The following PRRC2C variants were observed in gnomAD, a reference collection of about 807,000 sequenced individuals.
PRRC2C encodes the protein proline rich coiled-coil 2C, also known as protein PRRC2C.
Under a neutral mutation model 317.2 loss-of-function variants are expected in PRRC2C, and 72 were observed. The observed-to-expected ratio is 0.23, with a 90% CI of 0.19 to 0.28. The LOEUF (loss-of-function observed/expected upper bound fraction) is 0.28. PRRC2C is among the 10% of genes least tolerant of loss of function. The probability of loss-of-function intolerance (pLI) is 1.00; values close to 1 mark genes in which losing one functional copy is unlikely to be tolerated. For missense variants in PRRC2C, 3,074 were observed against 3,459.7 expected (o/e 0.89, Z 2.80); for synonymous variants, 1,296 against 1,205.9 (o/e 1.07, Z -1.55).
At position 171,568,328 on chromosome 1, in the gene PRRC2C, T is replaced by C. The variant is rs1473658856; in HGVS notation, c.6640T>C (p.Leu2214=). 1.2e-6 allele frequency: 2 copies of C among 1,601,398 alleles called. No homozygotes were observed. Among genetic ancestry groups the C allele is most frequent in the Non-Finnish European group, 1.7e-6 (2 of 1,172,998 alleles). The stretch of plus-strand genomic sequence containing the variant: ...TAATAATACAAAGATGGAGGATACT[T>C]TGGTTAATAATGTAAGTAATCAGTT... ...ATNNTKMEDT[L]VNNVPLPNTL... is the part of the protein sequence containing the mutation. Residue 2214 remains leucine, a synonymous_variant, in exon 23 of 35, where the codon TTG becomes CTG. Transcript: ENST00000647382.
intron 25 of PRRC2C, among the ~76,000 whole-genome samples, chr1:171,575,371 A>G (rs72717842): frequency 1.3e-4 from 20 of 152,272 alleles, no homozygotes; most frequent in Non-Finnish European, 2.4e-4. Context: ...TTTTTTATGT[A>G]TGTACAACTA....
chr1:171,577,181 T>G (rs1435579271), intron 25 of PRRC2C, among the ~76,000 whole-genome samples: 2 of 152,240 alleles, frequency 1.3e-5, no homozygotes, highest in Non-Finnish European at 2.9e-5. Context: ...CCTCATTTTA[T>G]TAATTTTGTG....
chr1:171,569,442 T>C (rs958135122), intron 23 of PRRC2C, among the ~76,000 whole-genome samples: 3 of 151,328 alleles, frequency 2.0e-5, no homozygotes, highest in African/African-American at 4.9e-5. Flanking sequence ...GTACTAAATA[T>C]GTAGCTGAGA....
intron 1 of PRRC2C, among the ~76,000 whole-genome samples, chr1:171,498,300 A>T (rs1289258271): frequency 6.6e-6 from 1 of 152,154 alleles, no homozygotes; most frequent in Non-Finnish European, 1.5e-5. Flanking sequence ...TTCTGTTGGT[A>T]CTGAAGGCTG....
Position 171,592,803 on chromosome 1 carries a change from A to G in PRRC2C, c.*956A>G, listed in dbSNP as rs1048641205. The stretch of plus-strand genomic sequence containing the variant: ...ATTAAAGGAAATCCTAAGAAGGTGC[A>G]TTTCTTTACAGAGCTGTGTCATGCC... On this transcript the variant is annotated 3_prime_UTR_variant, in exon 35 of 35. Transcript: ENST00000647382. 1 of 152,028 alleles carries G rather than the reference A, an allele frequency of 6.6e-6. No homozygotes were observed. The highest frequency in any genetic ancestry group is 3.2e-3 in the Middle Eastern group (1 of 316). The allele number at this position is 152,028 out of a possible 1,614,324, so 9.4% of individuals were successfully genotyped here. A position where few individuals can be genotyped will look rare whatever the true frequency, so the allele number is the denominator to read the frequency against.
At chr1:171,565,665 C>G (rs1683513669) in intron 20 of PRRC2C, among the ~76,000 whole-genome samples, 1 of 152,188 alleles carries the variant, frequency 6.6e-6, no homozygotes, top group African/African-American at 2.4e-5. Context: ...TCAGGCTGGT[C>G]TCAAACTCCT....
In PRRC2C at chr1:171,531,511, T is replaced by C. The variant is rs75586060; in HGVS notation, c.1255-832T>C. ...AAGATAGTCAAGTGTTTTCGTTGTG[T>C]CATTGTTTAATCTTTTTATAAGCAT... is the stretch of plus-strand genomic sequence containing the variant. On this transcript the variant is annotated intron_variant, in intron 11 of 34. Transcript: ENST00000647382. 8.9e-3 allele frequency among the ~76,000 whole-genome samples: 1,361 copies of C among 152,330 alleles called. 19 individuals carry two copies. Among genetic ancestry groups the C allele is most frequent in the African/African-American group, 0.031 (1,287 of 41,570 alleles).
intron 3 of PRRC2C, 125 bp downstream of exon 3, chr1:171,513,297 T>C (rs1671712873): frequency 9.3e-7 from 1 of 1,079,352 alleles, no homozygotes; most frequent in Non-Finnish European, 1.3e-6. Context: ...TTATACTCTT[T>C]AAAGTCTTTT....
chr1:171,522,734 A>T (rs576623528), intron 7 of PRRC2C, among the ~76,000 whole-genome samples: 8 of 152,306 alleles, frequency 5.3e-5, no homozygotes, highest in Non-Finnish European at 8.8e-5. Flanking sequence ...AGATTGTGCC[A>T]TTACACTCCA....
intron 10 of PRRC2C, among the ~76,000 whole-genome samples, chr1:171,527,126 A>T (rs983590357): frequency 2.0e-5 from 3 of 147,608 alleles, no homozygotes; most frequent in South Asian, 2.2e-4. Context: ...TAATAGATAT[A>T]TCTTTTCTTT....
chr1:171,532,067 G>T lies in PRRC2C; in HGVS notation c.1255-276G>T, dbSNP rs557240541. 2.0e-5 allele frequency among the ~76,000 whole-genome samples: 3 copies of T among 152,262 alleles called. No homozygotes were observed. In the East Asian group the frequency reaches 5.8e-4, roughly 29 times the overall value. ...TTTGAGATTCACTGTTGTGCTTCTA[G>T]TTTTATTCAGCAAATACTGAATGAG... On this transcript the variant is annotated intron_variant, in intron 11 of 34. Coordinates refer to ENST00000647382, the MANE Select transcript of PRRC2C (RefSeq NM_001387844.1).
chr1:171,584,619 C>A, intron 30 of PRRC2C, 93 bp downstream of exon 30: 2 of 1,372,746 alleles, frequency 1.5e-6, no homozygotes, highest in Non-Finnish European at 2.0e-6. Flanking sequence ...AACCAAGATG[C>A]AAGATGGAGG....
At chr1:171,589,272 T>G in intron 33 of PRRC2C, 97 bp from the exon 34 acceptor site, 1 of 580,830 alleles carries the variant, frequency 1.7e-6, no homozygotes, top group Non-Finnish European at 2.6e-6. Context: ...TGGGCACAGA[T>G]TTACTCTGGG....
intron 1 of PRRC2C, among the ~76,000 whole-genome samples, chr1:171,496,243 C>T (rs1290818923): frequency 8.1e-6 from 1 of 122,892 alleles, no homozygotes; most frequent in Non-Finnish European, 1.6e-5. Context: ...CCCCCTGTTG[C>T]CCTGGCTGGA....
At chr1:171,589,757 T>C (rs1650945131) in intron 34 of PRRC2C, among the ~76,000 whole-genome samples, 152 bp downstream of exon 34, 1 of 151,862 alleles carries the variant, frequency 6.6e-6, no homozygotes, top group Non-Finnish European at 1.5e-5. Flanking sequence ...CTTTTTTTTC[T>C]TTTTTTTCCC....
intron 28 of PRRC2C, among the ~76,000 whole-genome samples, chr1:171,582,777 G>A (rs182137842): frequency 6.6e-6 from 1 of 151,564 alleles, no homozygotes; most frequent in East Asian, 1.9e-4. Context: ...TGCTGTAGGT[G>A]AGTCAGTGAG....
chr1:171,524,772 T>C (rs1272609981), intron 9 of PRRC2C, 49 bp from the exon 10 acceptor site: 2 of 1,494,422 alleles, frequency 1.3e-6, no homozygotes. Flanking sequence ...ATGTGTGTAC[T>C]TATGATACAG....
chr1:171,526,803 A>ATTTTTTTTTTT (rs1557918055), intron 10 of PRRC2C, among the ~76,000 whole-genome samples: 4 of 85,796 alleles, frequency 4.7e-5, no homozygotes, highest in African/African-American at 4.8e-5. Flanking sequence ...TCAGAAATAT[A>ATTTTTTTTTTT]TCTTTTTTTT....
Position 171,532,326 on chromosome 1 carries a change from A to G in PRRC2C, c.1255-17A>G. Reference sequence around the variant, plus strand: ...AAATAGAGTTGTCATAACTCATCTGATACCTTAATGTTTCAGCATCCACCT... The same window carrying G: ...AAATAGAGTTGTCATAACTCATCTGGTACCTTAATGTTTCAGCATCCACCT... On this transcript the variant is annotated splice_polypyrimidine_tract_variant and intron_variant, in intron 11 of 34. Transcript: ENST00000647382. The G allele has an allele frequency of 1.3e-6, 2 of 1,597,128 alleles. No individual in the cohort carries two copies. Among genetic ancestry groups the G allele is most frequent in the Non-Finnish European group, 1.7e-6 (2 of 1,172,714 alleles).
Sources: allele counts gnomAD v4.1 joint callset (sites outside exome capture counted in the v4.1 genomes callset), GRCh38; gene constraint gnomAD v4.1.1; transcripts MANE v1.5; gene names NCBI Gene and HGNC (gene_info 2026-07-23, HGNC 2026-07-21).